Variants in TMEM260 observed in about 807,000 individuals in gnomAD.
TMEM260 encodes the protein transmembrane protein 260, also known as protein O-mannosyl-transferase TMEM260.
A neutral mutation model predicts 88.9 loss-of-function variants in TMEM260; 82 were observed. That is an observed-to-expected ratio of 0.92 (90% CI 0.77 to 1.11). TMEM260 has a LOEUF of 1.11. Ranked by LOEUF, TMEM260 falls within the 50% of genes least tolerant of loss-of-function variation. TMEM260 has a pLI of 0.00. For missense variants in TMEM260, 902 were observed against 853.4 expected (o/e 1.06, Z -0.71); for synonymous variants, 314 against 309.3 (o/e 1.02, Z -0.16).
intron 12 of TMEM260, among the ~76,000 whole-genome samples, chr14:56,627,365 A>C (rs919471291): frequency 6.6e-6 from 1 of 152,200 alleles, no homozygotes; most frequent in Non-Finnish European, 1.5e-5. Context: ...AGGTGAAAGC[A>C]TAAGTGTCCT....
At chr14:56,662,026 G>A in the TMEM260 span, among the ~76,000 whole-genome samples, 1 of 152,014 alleles carries the variant, frequency 6.6e-6, no homozygotes, top group Non-Finnish European at 1.5e-5. Context: ...GGCCCCCAGA[G>A]GTCTGCCTTT....
Position 56,585,898 on chromosome 14 carries a change from T to C in TMEM260, c.330T>C (p.Phe110=), listed in dbSNP as rs1372826653. ...LFGAVAASLL[F]FTVFRLSGSS... ...GAGCAGTAGCTGCATCATTACTTTT[T>C]TTCACCGTTTTCAGGTAAAGTAGTT... is the stretch of plus-strand genomic sequence containing the variant. The change falls in exon 3 of 16, where the codon TTT becomes TTC. Residue 110 remains phenylalanine (F), a synonymous_variant. Transcript: ENST00000261556. The C allele has an allele frequency of 6.2e-6, 10 of 1,612,196 alleles. No individual in the cohort carries two copies. The highest frequency in any genetic ancestry group is 2.2e-5 in the East Asian group (1 of 44,858).
At position 56,618,945 on chromosome 14, in the gene TMEM260, G is replaced by A. The variant is rs187777722; in HGVS notation, c.1226+182G>A. Among the ~76,000 whole-genome samples the A allele has an allele frequency of 1.2e-3, 180 of 152,230 alleles. 3 individuals are homozygous for A. The highest frequency in any genetic ancestry group is 4.1e-3 in the African/African-American group (170 of 41,526). ...TAAACCTAAAAGTTAAAGCATGGGC[G>A]ATGAATGGTTTCAGGCCATTGCAAA... On this transcript the variant is annotated intron_variant, in intron 10 of 15. Transcript: ENST00000261556.
chr14:56,631,586 G>A (rs142087368), intron 12 of TMEM260, among the ~76,000 whole-genome samples: 3 of 148,402 alleles, frequency 2.0e-5, no homozygotes, highest in Non-Finnish European at 3.0e-5. Flanking sequence ...TTGTGCCACT[G>A]CACTCCATCC....
Position 56,636,494 on chromosome 14 carries a change from A to AT in TMEM260, c.1779-13dup, listed in dbSNP as rs1279785833. On this transcript the variant is annotated splice_polypyrimidine_tract_variant and intron_variant, in intron 14 of 15. Transcript: ENST00000261556. Reference sequence around the variant, plus strand: ...CTGTATGATTTTAATGAAGGTTCCTATCCCCACCCCCAGGATGAAAACACC... The same window carrying AT: ...CTGTATGATTTTAATGAAGGTTCCTATTCCCCACCCCCAGGATGAAAACACC... 5.0e-6 allele frequency: 8 copies of AT among 1,612,450 alleles called. No homozygotes were observed. Among genetic ancestry groups the AT allele is most frequent in the Non-Finnish European group, 5.9e-6 (7 of 1,178,580 alleles).
At chr14:56,622,256 T>C (rs767839922) in intron 11 of TMEM260, among the ~76,000 whole-genome samples, 5 of 140,896 alleles carry the variant, frequency 3.5e-5, no homozygotes, top group Admixed American at 8.0e-5. Context: ...GGCAGGAGAA[T>C]GGTGTGAACC....
At chr14:56,628,118 T>C (rs1448108517) in intron 12 of TMEM260, among the ~76,000 whole-genome samples, 1 of 152,236 alleles carries the variant, frequency 6.6e-6, no homozygotes, top group Non-Finnish European at 1.5e-5. Context: ...TATTTCATTG[T>C]ATGGATGTAC....
intron 3 of TMEM260, 36 bp from the exon 4 acceptor site, chr14:56,603,779 T>C (rs761186593): frequency 1.9e-6 from 3 of 1,612,176 alleles, no homozygotes; most frequent in Non-Finnish European, 2.5e-6. Context: ...GTTCTTTTTG[T>C]TGGAAAAGAA....
chr14:56,642,533 C>G (rs1302997766), intron 15 of TMEM260, among the ~76,000 whole-genome samples: 1 of 152,058 alleles, frequency 6.6e-6, no homozygotes, highest in African/African-American at 2.4e-5. Context: ...ATTTATAGCA[C>G]TAAATACCCA....
At chr14:56,654,593 C>T (rs867674646), downstream of TMEM260, among the ~76,000 whole-genome samples, 5 of 151,726 alleles carry the variant, frequency 3.3e-5, no homozygotes, top group Admixed American at 2.0e-4. Flanking sequence ...CCGAGGCAGG[C>T]GGATCACCTG....
At chr14:56,589,595 C>T (rs1024202627) in intron 3 of TMEM260, among the ~76,000 whole-genome samples, 1 of 151,912 alleles carries the variant, frequency 6.6e-6, no homozygotes, top group African/African-American at 2.4e-5. Context: ...AGTAGATTAC[C>T]TAGAATATAG....
rs1422321852 is a variant in TMEM260, at chr14:56,618,779, T to A, written c.1226+16T>A. On this transcript the variant is annotated intron_variant, in intron 10 of 15. Coordinates refer to ENST00000261556, the MANE Select transcript of TMEM260 (RefSeq NM_017799.4). ...CTAATTACAGGTAATACATGGTTAT[T>A]TTTATGAAAAGTAGCTGTCAAGCCA... is the stretch of plus-strand genomic sequence containing the variant. 4.3e-6 allele frequency: 7 copies of A among 1,609,478 alleles called. No individual in the cohort carries two copies. In the South Asian group the frequency reaches 7.7e-5, roughly 18 times the overall value.
intron 13 of TMEM260, 57 bp from the exon 14 acceptor site, chr14:56,634,841 TC>T: frequency 8.2e-7 from 1 of 1,224,180 alleles, no homozygotes; most frequent in Non-Finnish European, 1.2e-6. Context: ...AAATTCTGTC[TC>T]AAAAAAAAAA....
At chr14:56,606,281 T>C (rs7161054) in intron 5 of TMEM260, among the ~76,000 whole-genome samples, 135,497 of 152,148 alleles carry the variant, frequency 0.89, 60,506 homozygotes, top group East Asian at 1. Context: ...TTAGGCAATG[T>C]GAGATTTAGG....
intron 5 of TMEM260, 90 bp from the exon 6 acceptor site, chr14:56,609,016 A>T: frequency 7.6e-7 from 1 of 1,312,886 alleles, no homozygotes; most frequent in South Asian, 1.3e-5. Flanking sequence ...GAGTAAACAT[A>T]TTTGATGTTT....
chr14:56,661,426 T>A, the TMEM260 span, among the ~76,000 whole-genome samples: 1 of 151,966 alleles, frequency 6.6e-6, no homozygotes, highest in Non-Finnish European at 1.5e-5. Flanking sequence ...AGCTCTGAAT[T>A]TTGTACCATG....
At chr14:56,640,697 A>G (rs1594895990) in intron 15 of TMEM260, among the ~76,000 whole-genome samples, 1 of 152,230 alleles carries the variant, frequency 6.6e-6, no homozygotes, top group African/African-American at 2.4e-5. Context: ...AACTACTCCA[A>G]GCTAAAGAAG....
chr14:56,584,261 T>C (rs914229310), intron 1 of TMEM260, among the ~76,000 whole-genome samples: 1 of 152,100 alleles, frequency 6.6e-6, no homozygotes, highest in African/African-American at 2.4e-5. Context: ...GAGTCATTCA[T>C]CAATATTGAT....
Position 56,609,304 on chromosome 14 carries a change from C to G in TMEM260, c.816+19C>G, listed in dbSNP as rs752060741. The G allele has an allele frequency of 1.9e-6, 3 of 1,610,016 alleles. No individual in the cohort carries two copies. The African/African-American group carries it at 4.0e-5, about 22-fold the overall frequency. On this transcript the variant is annotated intron_variant, in intron 6 of 15. Coordinates refer to ENST00000261556, the MANE Select transcript of TMEM260 (RefSeq NM_017799.4). ...CAGCCTGGTAAATTCAGATTTAAAG[C>G]CCTTCTAAGGAAACAAGTGGCAAAA... is the stretch of plus-strand genomic sequence containing the variant.
Sources: gnomAD v4.1 joint callset for allele counts (sites outside exome capture counted in the v4.1 genomes callset) on GRCh38, gnomAD v4.1.1 for gene constraint, MANE v1.5 for transcripts, NCBI Gene and HGNC (gene_info 2026-07-23, HGNC 2026-07-21) for gene names.